FARP1: variants seen among roughly 807,000 people sequenced by gnomAD.
The protein encoded by FARP1 is FERM, ARH/RhoGEF and pleckstrin domain protein 1, also known as FERM, ARHGEF and pleckstrin domain-containing protein 1.
A neutral mutation model predicts 128.8 loss-of-function variants in FARP1; 52 were observed. The observed-to-expected ratio is 0.40, with a 90% confidence interval of 0.32 to 0.51. The LOEUF is 0.51. Among genes scored for constraint, FARP1 ranks in the 20% least tolerant of loss-of-function variants. FARP1 has a pLI of 0.45. For missense variants in FARP1, 1,333 were observed against 1,367.9 expected (o/e 0.97, Z 0.40); for synonymous variants, 580 against 551.8 (o/e 1.05, Z -0.72).
intron 2 of FARP1, among the ~76,000 whole-genome samples, chr13:98,215,441 T>G (rs1881000493): frequency 6.6e-6 from 1 of 152,200 alleles, no homozygotes; most frequent in South Asian, 2.1e-4. Flanking sequence ...TCCCAGCATC[T>G]CCTACTGAGA....
intron 3 of FARP1, among the ~76,000 whole-genome samples, chr13:98,365,030 T>C (rs776280993): frequency 1.3e-5 from 2 of 152,236 alleles, no homozygotes; most frequent in Non-Finnish European, 2.9e-5. Flanking sequence ...ATGTATTCTG[T>C]TTCAATAAGG....
chr13:98,253,341 C>G (rs868351366), intron 2 of FARP1, among the ~76,000 whole-genome samples: 1 of 152,202 alleles, frequency 6.6e-6, no homozygotes, highest in African/African-American at 2.4e-5. Context: ...CTGCCGTTGA[C>G]TGAGTGCTGT....
intron 1 of FARP1, among the ~76,000 whole-genome samples, chr13:98,196,615 A>T (rs544361383): frequency 1.3e-3 from 204 of 152,318 alleles, no homozygotes; most frequent in Non-Finnish European, 2.5e-3. Flanking sequence ...TACACTGAAA[A>T]TGTCAAAAGT....
chr13:98,449,718 T>TAAAA lies in FARP1; in HGVS notation c.*1403_*1406dup, dbSNP rs1045673331. On this transcript the variant is annotated 3_prime_UTR_variant, in exon 27 of 27. Coordinates refer to ENST00000319562, the MANE Select transcript of FARP1 (RefSeq NM_005766.4). ...CGGTTTCCAGTACTAACAAAGGGAA[T>TAAAA]AAAAATACCTCACGCCACAATCCAG... 1.4e-5 allele frequency: 2 copies of TAAAA among 143,752 alleles called. No individual in the cohort carries two copies. Among genetic ancestry groups the TAAAA allele is most frequent in the Non-Finnish European group, 3.0e-5 (2 of 66,428 alleles). 8.9% of individuals were successfully genotyped at this position (143,752 alleles called of 1,614,324 possible). A position where few individuals can be genotyped will look rare whatever the true frequency, so the allele number is the denominator to read the frequency against.
chr13:98,159,171 C>T (rs544779501), intron 1 of FARP1, among the ~76,000 whole-genome samples: 1 of 152,292 alleles, frequency 6.6e-6, no homozygotes. Flanking sequence ...GGGTGCTATT[C>T]CCACGGCCAG....
intron 1 of FARP1, among the ~76,000 whole-genome samples, chr13:98,178,314 G>A (rs1878252171): frequency 6.7e-6 from 1 of 149,042 alleles, no homozygotes; most frequent in Non-Finnish European, 1.5e-5. Context: ...TCCTGCCTCA[G>A]CCTCCTGAGT....
intron 2 of FARP1, among the ~76,000 whole-genome samples, chr13:98,240,985 C>A (rs1215138550): frequency 6.6e-6 from 1 of 152,186 alleles, no homozygotes; most frequent in Non-Finnish European, 1.5e-5. Context: ...GTGGGTGACT[C>A]AGGAGAAGGA....
At chr13:98,181,748 C>A (rs1594240810) in intron 1 of FARP1, among the ~76,000 whole-genome samples, 1 of 151,888 alleles carries the variant, frequency 6.6e-6, no homozygotes, top group Admixed American at 6.6e-5. Context: ...CCTGCCTTGG[C>A]CTCCCAAAGT....
At chr13:98,366,636 C>T (rs1889097724) in intron 4 of FARP1, among the ~76,000 whole-genome samples, 1 of 152,240 alleles carries the variant, frequency 6.6e-6, no homozygotes, top group Non-Finnish European at 1.5e-5. Flanking sequence ...CTGTGACAGG[C>T]CATGTGTGAC....
intron 19 of FARP1, 95 bp downstream of exon 19, chr13:98,435,801 A>T (rs1410700337): frequency 7.7e-7 from 1 of 1,299,496 alleles, no homozygotes; most frequent in Non-Finnish European, 1.1e-6. Flanking sequence ...AGACCCTTGC[A>T]AAGCAAAATG....
rs1447260255 is a variant in FARP1, at chr13:98,448,367, CCTTT to C, written c.*54_*57del. The stretch of plus-strand genomic sequence containing the variant: ...GTGGCTGCTTTCCTGGAAGACGTTT[CCTTT>C]CTTCTGTATTAATGAAGCCTGGTAA... On this transcript the variant is annotated 3_prime_UTR_variant, in exon 27 of 27. Transcript: ENST00000319562. The C allele has an allele frequency of 7.1e-7, 1 of 1,398,868 alleles. No individual in the cohort carries two copies. The allele number at this position is 1,398,868 out of a possible 1,614,324, so 86.7% of individuals were successfully genotyped here.
intron 2 of FARP1, among the ~76,000 whole-genome samples, chr13:98,270,796 A>G (rs1323030893): frequency 2.6e-5 from 4 of 152,194 alleles, no homozygotes; most frequent in South Asian, 4.1e-4. Flanking sequence ...AAGCATGTAT[A>G]TCTTTTAATT....
intron 2 of FARP1, among the ~76,000 whole-genome samples, chr13:98,260,582 C>T (rs1195850866): frequency 6.6e-6 from 1 of 152,208 alleles, no homozygotes; most frequent in Non-Finnish European, 1.5e-5. Flanking sequence ...GGGACAAATC[C>T]AGCTGGCCCA....
At chr13:98,223,497 G>C (rs1881556306) in intron 2 of FARP1, among the ~76,000 whole-genome samples, 1 of 152,068 alleles carries the variant, frequency 6.6e-6, no homozygotes, top group Non-Finnish European at 1.5e-5. Flanking sequence ...GCTAATTTTT[G>C]TATTTTTTAG....
chr13:98,245,149 C>G, intron 2 of FARP1: 1 of 991,828 alleles, frequency 1.0e-6, no homozygotes, highest in Non-Finnish European at 1.2e-6. Context: ...AAGTTTAATT[C>G]CTGAAAGGGT....
chr13:98,190,645 C>G (rs1455836628), intron 1 of FARP1, among the ~76,000 whole-genome samples: 1 of 152,094 alleles, frequency 6.6e-6, no homozygotes, highest in Non-Finnish European at 1.5e-5. Context: ...TCACTGCAGT[C>G]TCAGCTCCTG....
intron 2 of FARP1, chr13:98,340,910 C>T (rs1446370812): frequency 1.3e-5 from 2 of 152,190 alleles, no homozygotes; most frequent in Non-Finnish European, 2.9e-5. Context: ...CCACTCTGCT[C>T]TCCTGACCCA....
chr13:98,388,422 C>T lies in FARP1; in HGVS notation c.799C>T (p.Arg267Trp), dbSNP rs780290213. ...CAATGCCTTCAACTGGGCCAAGGTG[C>T]GGAAGCTGAGCTTCAAGAGGAAGCG... is the stretch of plus-strand genomic sequence containing the variant. Reference protein sequence around the residue: ...KINAFNWAKVRKLSFKRKRFL... With the variant: ...KINAFNWAKVWKLSFKRKRFL... Residue 267 changes from arginine to tryptophan, a missense_variant, in exon 9 of 27, where the codon CGG (arginine) becomes TGG (tryptophan). Transcript: ENST00000319562. 27 of 1,613,900 alleles carry T rather than the reference C, an allele frequency of 1.7e-5. No individual in the cohort carries two copies. In the Admixed American group the frequency reaches 2.8e-4, roughly 17 times the overall value.
At chr13:98,322,363 A>G (rs1381057151) in intron 2 of FARP1, among the ~76,000 whole-genome samples, 3 of 152,208 alleles carry the variant, frequency 2.0e-5, no homozygotes. Context: ...ACCACCTGAA[A>G]GGCACTCCAG....
Sources: gnomAD v4.1 joint callset for allele counts (sites outside exome capture counted in the v4.1 genomes callset) on GRCh38, gnomAD v4.1.1 for gene constraint, MANE v1.5 for transcripts, NCBI Gene and HGNC (gene_info 2026-07-23, HGNC 2026-07-21) for gene names.